The following FOXJ3 variants were observed in gnomAD, a reference collection of about 807,000 sequenced individuals.
The protein encoded by FOXJ3 is forkhead box protein J3.
In FOXJ3, 22 loss-of-function variants were observed where a neutral mutation model predicts 76.1. The observed-to-expected ratio is 0.29, with a 90% confidence interval of 0.21 to 0.41. The LOEUF (loss-of-function observed/expected upper bound fraction) is 0.41. Among genes scored for constraint, FOXJ3 ranks in the 10% least tolerant of loss-of-function variants. FOXJ3 has a pLI of 1.00. For synonymous variants in FOXJ3, 269 were observed against 261.2 expected, an observed-to-expected ratio of 1.03 and a Z score of -0.29; for missense variants, 613 against 762.1, an observed-to-expected ratio of 0.80 and a Z score of 2.30.
chr1:42,294,935 C>T (rs750939136), intron 2 of FOXJ3, among the ~76,000 whole-genome samples: 7 of 152,172 alleles, frequency 4.6e-5, no homozygotes, highest in Non-Finnish European at 1.0e-4. Context: ...TTCTTAGTTC[C>T]ATTTCAAGAG....
At chr1:42,260,645 C>CA (rs1471644573) in intron 4 of FOXJ3, among the ~76,000 whole-genome samples, 1 of 151,856 alleles carries the variant, frequency 6.6e-6, no homozygotes, top group Non-Finnish European at 1.5e-5. Flanking sequence ...CTGCACTGGG[C>CA]AAAAGGGCAA....
chr1:42,309,455 C>A (rs1162904174), intron 2 of FOXJ3, among the ~76,000 whole-genome samples: 2 of 152,174 alleles, frequency 1.3e-5, no homozygotes, highest in Non-Finnish European at 2.9e-5. Context: ...TAGGACTGGC[C>A]TGTCTAAAAT....
Position 42,191,710 on chromosome 1 carries a change from T to C in FOXJ3, c.944A>G (p.Asn315Ser), listed in dbSNP as rs547026536. ...EQSLSQQGLM[N>S]IPSESSQQSH... Reference sequence around the variant, plus strand: ...CTGCTGGGAAGATTCAGAAGGGATGTTCATCAAACCTAAAAACAAAGCAAG... The same window carrying C: ...CTGCTGGGAAGATTCAGAAGGGATGCTCATCAAACCTAAAAACAAAGCAAG... Residue 315 changes from asparagine (N) to serine (S), a missense_variant, in exon 9 of 13, where the codon AAC becomes AGC. Physicochemically the swap from Asn to Ser is conservative, Grantham distance 46. Coordinates refer to ENST00000361346, the MANE Select transcript of FOXJ3 (RefSeq NM_014947.5). The C allele has an allele frequency of 1.9e-6, 3 of 1,610,048 alleles. No individual in the cohort carries two copies. Among genetic ancestry groups the C allele is most frequent in the African/African-American group, 2.7e-5 (2 of 74,954 alleles).
chr1:42,178,626 A>G lies in FOXJ3; in HGVS notation c.*1084T>C, dbSNP rs929536032. The G allele has an allele frequency of 1.3e-5, 2 of 152,190 alleles. No individual in the cohort carries two copies. Among genetic ancestry groups the G allele is most frequent in the African/African-American group, 4.8e-5 (2 of 41,424 alleles). 9.4% of individuals were successfully genotyped at this position (152,190 alleles called of 1,614,324 possible). A position where few individuals can be genotyped will look rare whatever the true frequency, so the allele number is the denominator to read the frequency against. On this transcript the variant is annotated 3_prime_UTR_variant, in exon 13 of 13. Coordinates refer to ENST00000361346, the MANE Select transcript of FOXJ3 (RefSeq NM_014947.5). ...ATGGTGAAACCCCATCTCTACTAAA[A>G]TACAAAAAATCAGCCAGGCATGGCG...
rs1646266645 is a variant in FOXJ3, at chr1:42,179,010, G to T, written c.*700C>A. 1 of 152,574 alleles carries T rather than the reference G, an allele frequency of 6.6e-6. No homozygotes were observed. The highest frequency in any genetic ancestry group is 1.5e-5 in the Non-Finnish European group (1 of 68,038). The allele number at this position is 152,574 out of a possible 1,614,324, so 9.5% of individuals were successfully genotyped here. A position where few individuals can be genotyped will look rare whatever the true frequency, so the allele number is the denominator to read the frequency against. ...TTAGAGCTATTATAATGCAGATTTA[G>T]AAAAGCAGACATAAATACTCTATGA... is the stretch of plus-strand genomic sequence containing the variant. On this transcript the variant is annotated 3_prime_UTR_variant, in exon 13 of 13. Transcript: ENST00000361346.
In FOXJ3 at chr1:42,294,464, G is replaced by A. The variant is rs150451799; in HGVS notation, c.45-15792C>T. Among the ~76,000 whole-genome samples, 695 of 152,234 alleles carry A rather than the reference G, an allele frequency of 4.6e-3. 6 individuals carry two copies. The highest frequency in any genetic ancestry group is 0.016 in the African/African-American group (661 of 41,544). ...TTGGGCTGCTCTCCTGAATAAAGAA[G>A]CCATGAACTTGAGGCCAGGCGCGGT... On this transcript the variant is annotated intron_variant, in intron 2 of 12. Transcript: ENST00000361346.
intron 9 of FOXJ3, 100 bp downstream of exon 9, chr1:42,191,203 T>C: frequency 9.2e-7 from 1 of 1,088,458 alleles, no homozygotes; most frequent in Non-Finnish European, 1.3e-6. Flanking sequence ...GAAACAGATG[T>C]AAAGAGGTTT....
intron 4 of FOXJ3, among the ~76,000 whole-genome samples, chr1:42,258,693 A>C (rs1419954305): frequency 6.6e-6 from 1 of 152,230 alleles, no homozygotes; most frequent in Non-Finnish European, 1.5e-5. Context: ...TGGCATATTG[A>C]CTGTGGTATA....
At position 42,205,727 on chromosome 1, in the gene FOXJ3, T is replaced by C. The variant is rs201420820; in HGVS notation, c.630+35A>G. 1.4e-4 allele frequency: 164 copies of C among 1,140,456 alleles called. No homozygotes were observed. In the African/African-American group the frequency reaches 2.0e-3, roughly 14 times the overall value. The allele number at this position is 1,140,456 out of a possible 1,614,324, so 70.6% of individuals were successfully genotyped here. A position where few individuals can be genotyped will look rare whatever the true frequency, so the allele number is the denominator to read the frequency against. ...AAGGCAAATTAAATGTACTACTCAA[T>C]GACATTTCAATAATGTTTAAAAAAA... On this transcript the variant is annotated intron_variant, in intron 6 of 12. Coordinates refer to ENST00000361346, the MANE Select transcript of FOXJ3 (RefSeq NM_014947.5).
At chr1:42,310,990 AC>A in intron 2 of FOXJ3, 59 bp downstream of exon 2, 1 of 966,016 alleles carries the variant, frequency 1.0e-6, no homozygotes, top group Non-Finnish European at 1.6e-6. Flanking sequence ...ATATGAGGTG[AC>A]CAGTCTAACT....
At chr1:42,305,232 C>T (rs1040791557) in intron 2 of FOXJ3, among the ~76,000 whole-genome samples, 2 of 152,090 alleles carry the variant, frequency 1.3e-5, no homozygotes, top group Non-Finnish European at 2.9e-5. Context: ...ATCTAAAAGA[C>T]AGGCAATAAC....
rs578118795 is a variant in FOXJ3 at position 42,178,610 on chromosome 1, C to G, written c.*1100G>C. 1 of 152,278 alleles carries G rather than the reference C, an allele frequency of 6.6e-6. No homozygotes were observed. The highest frequency in any genetic ancestry group is 6.5e-5 in the Admixed American group (1 of 15,290). The allele number at this position is 152,278 out of a possible 1,614,324, so 9.4% of individuals were successfully genotyped here. On this transcript the variant is annotated 3_prime_UTR_variant, in exon 13 of 13. Transcript: ENST00000361346. ...AACCAGCCCAGGCAACATGGTGAAA[C>G]CCCATCTCTACTAAAATACAAAAAA... is the stretch of plus-strand genomic sequence containing the variant.
In FOXJ3 at chr1:42,314,623, AC is replaced by A. The variant is rs536109544; in HGVS notation, c.-17-3514del. Among the ~76,000 whole-genome samples, 3 of 152,282 alleles carry A rather than the reference AC, an allele frequency of 2.0e-5. No individual in the cohort carries two copies. The South Asian group carries it at 6.2e-4, about 32-fold the overall frequency. ...TGATCTGAGTGTGTCTGCTCTGCTGACCCAAACATCCTCTAGGGTGCACTGT... is the reference window on the plus strand; with the variant it reads ...TGATCTGAGTGTGTCTGCTCTGCTGACCAAACATCCTCTAGGGTGCACTGT... On this transcript the variant is annotated intron_variant, in intron 1 of 12. Transcript: ENST00000361346.
At chr1:42,280,437 T>C in intron 2 of FOXJ3, 1 of 41,634 alleles carries the variant, frequency 2.4e-5, no homozygotes, top group South Asian at 7.9e-4. Flanking sequence ...TTCAGAGATC[T>C]TAAAAAAAAA....
chr1:42,222,261 C>T (rs1337771089), intron 5 of FOXJ3, among the ~76,000 whole-genome samples: 1 of 151,804 alleles, frequency 6.6e-6, no homozygotes, highest in East Asian at 1.9e-4. Context: ...TCAGTTCATC[C>T]ATCAGGCCTC....
At chr1:42,300,655 G>T (rs1280928132) in intron 2 of FOXJ3, among the ~76,000 whole-genome samples, 1 of 152,128 alleles carries the variant, frequency 6.6e-6, no homozygotes, top group South Asian at 2.1e-4. Context: ...GCATGTGCTT[G>T]TAGTCCCAGC....
At chr1:42,209,260 C>G (rs572310490) in intron 5 of FOXJ3, among the ~76,000 whole-genome samples, 21 of 152,298 alleles carry the variant, frequency 1.4e-4, no homozygotes, top group Admixed American at 2.0e-4. Flanking sequence ...ACACTAACAA[C>G]AAACTATCTA....
intron 2 of FOXJ3, among the ~76,000 whole-genome samples, chr1:42,308,797 CAA>C (rs1261744801): frequency 6.6e-6 from 1 of 151,938 alleles, no homozygotes; most frequent in Non-Finnish European, 1.5e-5. Flanking sequence ...TTTCATCAAA[CAA>C]AAGTTACACA....
chr1:42,313,661 C>A (rs1654939497), intron 1 of FOXJ3, among the ~76,000 whole-genome samples: 1 of 152,262 alleles, frequency 6.6e-6, no homozygotes, highest in African/African-American at 2.4e-5. Context: ...GCCCCTCGTC[C>A]TGGGAAATGG....
Sources: gnomAD v4.1 joint callset for allele counts (sites outside exome capture counted in the v4.1 genomes callset) on GRCh38, gnomAD v4.1.1 for gene constraint, MANE v1.5 for transcripts, NCBI Gene and HGNC (gene_info 2026-07-23, HGNC 2026-07-21) for gene names.